Variants in WASF3 observed in about 807,000 individuals in gnomAD.
WASF3 encodes actin-binding protein WASF3.
A neutral mutation model predicts 46.6 loss-of-function variants in WASF3; 11 were observed. The observed-to-expected ratio is 0.24, with a 90% CI of 0.15 to 0.39. The LOEUF is 0.39. Ranked by LOEUF, WASF3 falls within the 10% of genes least tolerant of loss-of-function variation. The pLI is 1.00. For missense variants in WASF3, 576 were observed against 669.8 expected (o/e 0.86, Z 1.55); for synonymous variants, 242 against 259.7 (o/e 0.93, Z 0.65).
intron 1 of WASF3, among the ~76,000 whole-genome samples, chr13:26,589,716 A>G (rs1335080943): frequency 1.3e-5 from 2 of 152,226 alleles, no homozygotes; most frequent in Non-Finnish European, 2.9e-5. Context: ...AAAATAAAAT[A>G]AAAGATAATG....
intron 2 of WASF3, among the ~76,000 whole-genome samples, chr13:26,630,526 A>G (rs1180743830): frequency 2.0e-5 from 3 of 152,198 alleles, no homozygotes; most frequent in African/African-American, 7.2e-5. Context: ...TCCATGGTTT[A>G]TATATGTCAC....
intron 1 of WASF3, among the ~76,000 whole-genome samples, chr13:26,592,418 T>C (rs1327660399): frequency 2.0e-5 from 3 of 152,182 alleles, no homozygotes; most frequent in Non-Finnish European, 4.4e-5. Context: ...CAGAGATTTA[T>C]TTTCTCATAG....
chr13:26,559,903 C>T (rs1344528945), intron 1 of WASF3, among the ~76,000 whole-genome samples: 4 of 143,210 alleles, frequency 2.8e-5, no homozygotes, highest in South Asian at 2.3e-4. Flanking sequence ...CTGCAACCTC[C>T]GCCTCCTGGG....
rs55790380 is a variant in WASF3, at chr13:26,675,673, T to TG, written c.541-876_541-875insG. Among the ~76,000 whole-genome samples the TG allele has an allele frequency of 1.1e-4, 16 of 151,902 alleles. 1 individual carries two copies. The South Asian group carries it at 1.7e-3, about 16-fold the overall frequency. On this transcript the variant is annotated intron_variant, in intron 6 of 9. Coordinates refer to ENST00000335327, the MANE Select transcript of WASF3 (RefSeq NM_006646.6). ...GTCTGTGTGTGTGTGTGTGTGTGTGTTTGCCATTTGTGTTGTCAGTGCCTG... is the reference window on the plus strand; with the variant it reads ...GTCTGTGTGTGTGTGTGTGTGTGTGTGTTGCCATTTGTGTTGTCAGTGCCTG...
At chr13:26,640,960 G>T (rs971519833) in intron 2 of WASF3, 1 of 152,186 alleles carries the variant, frequency 6.6e-6, no homozygotes, top group African/African-American at 2.4e-5. Flanking sequence ...GAATGCTCCA[G>T]TGTTTTTGGA....
At chr13:26,643,389 G>GGT in intron 3 of WASF3, among the ~76,000 whole-genome samples, 1 of 152,082 alleles carries the variant, frequency 6.6e-6, no homozygotes, top group South Asian at 2.1e-4. Flanking sequence ...AAACGCTGCA[G>GGT]GTAAGTATTG....
intron 2 of WASF3, among the ~76,000 whole-genome samples, chr13:26,636,392 C>G (rs1881821520): frequency 6.6e-6 from 1 of 152,196 alleles, no homozygotes; most frequent in South Asian, 2.1e-4. Flanking sequence ...GGCGGAAGTG[C>G]CCTGTTTTTC....
chr13:26,546,144 A>G, the WASF3 span, among the ~76,000 whole-genome samples: 1 of 152,178 alleles, frequency 6.6e-6, no homozygotes, highest in Non-Finnish European at 1.5e-5. Context: ...CACAAAGACA[A>G]GGCAGGAAAA....
chr13:26,596,189 A>G (rs1210880337), intron 1 of WASF3, among the ~76,000 whole-genome samples: 2 of 150,302 alleles, frequency 1.3e-5, no homozygotes, highest in Non-Finnish European at 2.9e-5. Flanking sequence ...AACCTGAATA[A>G]TGATATCTCA....
Position 26,655,991 on chromosome 13 carries a change from T to A in WASF3, c.134-9037T>A, listed in dbSNP as rs117330331. Among the ~76,000 whole-genome samples the A allele has an allele frequency of 3.2e-3, 491 of 152,298 alleles. 2 individuals are homozygous for A. Among genetic ancestry groups the A allele is most frequent in the Middle Eastern group, 0.01 (3 of 294 alleles). Reference sequence around the variant, plus strand: ...TTCCAAGAAGCTTGATTCCTTTTAGTGGAGTACAAAAAGCCAAAATCTTGT... The same window carrying A: ...TTCCAAGAAGCTTGATTCCTTTTAGAGGAGTACAAAAAGCCAAAATCTTGT... On this transcript the variant is annotated intron_variant, in intron 3 of 9. Transcript: ENST00000335327.
intron 1 of WASF3, among the ~76,000 whole-genome samples, chr13:26,570,518 T>C (rs894636830): frequency 6.6e-6 from 1 of 152,200 alleles, no homozygotes; most frequent in African/African-American, 2.4e-5. Flanking sequence ...TACCTTTTTT[T>C]CAAAAACAGA....
the WASF3 span, among the ~76,000 whole-genome samples, chr13:26,546,451 C>T: frequency 2.0e-5 from 3 of 152,220 alleles, no homozygotes; most frequent in Non-Finnish European, 1.5e-5. Context: ...CCTGCAAATC[C>T]CAGTTCTTTG....
the WASF3 span, among the ~76,000 whole-genome samples, chr13:26,545,110 C>T: frequency 6.6e-6 from 1 of 152,212 alleles, no homozygotes; most frequent in Non-Finnish European, 1.5e-5. Context: ...CTCTCCACCC[C>T]TGGGATAAAT....
chr13:26,670,256 A>G (rs193208370), intron 5 of WASF3, among the ~76,000 whole-genome samples: 36 of 152,274 alleles, frequency 2.4e-4, no homozygotes, highest in Non-Finnish European at 4.7e-4. Flanking sequence ...TAACACAGGA[A>G]CAGAAAAACA....
intron 2 of WASF3, among the ~76,000 whole-genome samples, chr13:26,614,642 C>A (rs1180205897): frequency 1.3e-5 from 2 of 152,118 alleles, no homozygotes; most frequent in African/African-American, 4.8e-5. Context: ...CACTTCCTAT[C>A]CAATTTATAT....
chr13:26,577,966 T>C (rs1396271833), intron 1 of WASF3, among the ~76,000 whole-genome samples: 3 of 152,258 alleles, frequency 2.0e-5, no homozygotes. Flanking sequence ...CATGTGACTT[T>C]GTTGAATTTG....
At chr13:26,677,248 G>C (rs1030828997) in intron 7 of WASF3, among the ~76,000 whole-genome samples, 1 of 152,178 alleles carries the variant, frequency 6.6e-6, no homozygotes, top group African/African-American at 2.4e-5. Flanking sequence ...TTCTATTGGC[G>C]TTTACTTAAA....
Position 26,686,368 on chromosome 13 carries a change from C to G in WASF3, c.*523C>G, listed in dbSNP as rs1182765813. 1 of 152,776 alleles carries G rather than the reference C, an allele frequency of 6.5e-6. No individual in the cohort carries two copies. Among genetic ancestry groups the G allele is most frequent in the African/African-American group, 2.4e-5 (1 of 41,456 alleles). 9.5% of individuals were successfully genotyped at this position (152,776 alleles called of 1,614,324 possible). A position where few individuals can be genotyped will look rare whatever the true frequency, so the allele number is the denominator to read the frequency against. Reference sequence around the variant, plus strand: ...AACAAACAGGGAGAATCCAGTGTTTCTGCTTTCAGTTTCTTGGCTTGGTAG... The same window carrying G: ...AACAAACAGGGAGAATCCAGTGTTTGTGCTTTCAGTTTCTTGGCTTGGTAG... On this transcript the variant is annotated 3_prime_UTR_variant, in exon 10 of 10. Coordinates refer to ENST00000335327, the MANE Select transcript of WASF3 (RefSeq NM_006646.6).
At chr13:26,605,008 T>C (rs1880750694) in intron 1 of WASF3, among the ~76,000 whole-genome samples, 1 of 152,164 alleles carries the variant, frequency 6.6e-6, no homozygotes, top group Admixed American at 6.5e-5. Context: ...CCAGGGTCCT[T>C]TGGTCTCTCC....
Sources: gnomAD v4.1 joint callset for allele counts (sites outside exome capture counted in the v4.1 genomes callset) on GRCh38, gnomAD v4.1.1 for gene constraint, MANE v1.5 for transcripts, NCBI Gene and HGNC (gene_info 2026-07-23, HGNC 2026-07-21) for gene names.